The following ZFYVE9 variants were observed in gnomAD, a reference collection of about 807,000 sequenced individuals.
ZFYVE9 encodes the protein zinc finger FYVE domain-containing protein 9.
In ZFYVE9, 43 loss-of-function variants were observed where a neutral mutation model predicts 126.7. That is an observed-to-expected ratio of 0.34 (90% CI 0.27 to 0.44). The LOEUF (loss-of-function observed/expected upper bound fraction) is 0.44. Among genes scored for constraint, ZFYVE9 ranks in the 20% least tolerant of loss-of-function variants. The probability of loss-of-function intolerance (pLI) is 1.00; values close to 1 mark genes in which losing one functional copy is unlikely to be tolerated. For missense variants in ZFYVE9, 1,476 were observed against 1,697.0 expected (o/e 0.87, Z 2.29); for synonymous variants, 521 against 597.4 (o/e 0.87, Z 1.87).
At chr1:52,190,230 A>C (rs917884999) in intron 1 of ZFYVE9, 1 of 152,442 alleles carries the variant, frequency 6.6e-6, no homozygotes, top group Non-Finnish European at 1.5e-5. Context: ...GGGTTCCTTC[A>C]TAATACCTGT....
chr1:52,323,965 A>C (rs1327054890), intron 13 of ZFYVE9, among the ~76,000 whole-genome samples: 1 of 151,332 alleles, frequency 6.6e-6, no homozygotes, highest in Non-Finnish European at 1.5e-5. Context: ...AGGCTGAGAC[A>C]GGAGAATTGC....
At chr1:52,226,758 A>G (rs1018186702) in intron 2 of ZFYVE9, among the ~76,000 whole-genome samples, 7 of 152,208 alleles carry the variant, frequency 4.6e-5, no homozygotes, top group Non-Finnish European at 1.5e-5. Flanking sequence ...TCTGTCCGGA[A>G]AGGCGGGACA....
At chr1:52,340,012 TCAG>T in intron 16 of ZFYVE9, 111 bp from the exon 17 acceptor site, 5 of 786,328 alleles carry the variant, frequency 6.4e-6, no homozygotes. Context: ...ACAGGTGTGT[TCAG>T]CAGGGTACCC....
intron 1 of ZFYVE9, among the ~76,000 whole-genome samples, chr1:52,196,721 A>G (rs1480657882): frequency 6.6e-6 from 1 of 152,228 alleles, no homozygotes; most frequent in Non-Finnish European, 1.5e-5. Flanking sequence ...ATTTAATAGG[A>G]GAAATTTTTT....
At position 52,332,822 on chromosome 1, in the gene ZFYVE9, T is replaced by C. The variant is rs1360943751; in HGVS notation, c.3493T>C (p.Phe1165Leu). 2.5e-6 allele frequency: 4 copies of C among 1,614,044 alleles called. No individual in the cohort carries two copies. The Admixed American group carries it at 5.0e-5, about 20-fold the overall frequency. Residue 1165 changes from phenylalanine to leucine, a missense_variant, in exon 14 of 19, where the codon TTC becomes CTC. Phe to Leu is a conservative substitution (Grantham distance 22). Transcript: ENST00000287727. The part of the protein sequence containing the change: ...NEHVLAGGAC[F>L]NEKADSHLVC... The stretch of plus-strand genomic sequence containing the variant: ...GCATGTCCTGGCAGGAGGTGCCTGC[T>C]TCAATGAAAAGGCAGACTCTCATCT...
intron 13 of ZFYVE9, among the ~76,000 whole-genome samples, chr1:52,305,295 G>C (rs1646071922): frequency 6.6e-6 from 1 of 152,030 alleles, no homozygotes; most frequent in African/African-American, 2.4e-5. Context: ...ACAAACATTG[G>C]CTGGGTGCCT....
At chr1:52,226,169 TATCTG>T (rs1026479085) in intron 2 of ZFYVE9, among the ~76,000 whole-genome samples, 1 of 152,136 alleles carries the variant, frequency 6.6e-6, no homozygotes, top group African/African-American at 2.4e-5. Flanking sequence ...GGTGCCATCT[TATCTG>T]CTCCTTACTG....
At chr1:52,296,802 C>G (rs770664587) in intron 12 of ZFYVE9, among the ~76,000 whole-genome samples, 1 of 151,868 alleles carries the variant, frequency 6.6e-6, no homozygotes, top group Non-Finnish European at 1.5e-5. Flanking sequence ...AGTAGCAAAG[C>G]TCATTTTTTT....
intron 1 of ZFYVE9, among the ~76,000 whole-genome samples, chr1:52,173,236 T>G (rs1644590466): frequency 1.3e-5 from 2 of 152,176 alleles, no homozygotes; most frequent in South Asian, 4.1e-4. Context: ...TGTCAAAGGC[T>G]TTTTCTGCAT....
At chr1:52,245,284 G>A (rs1645373581) in intron 4 of ZFYVE9, among the ~76,000 whole-genome samples, 1 of 151,930 alleles carries the variant, frequency 6.6e-6, no homozygotes, top group Non-Finnish European at 1.5e-5. Flanking sequence ...GAAAAGAATG[G>A]GCCTCCTGGT....
chr1:52,297,422 A>T (rs1645988038), intron 12 of ZFYVE9, among the ~76,000 whole-genome samples: 1 of 151,894 alleles, frequency 6.6e-6, no homozygotes. Flanking sequence ...TATTTTTCAT[A>T]GAGACAGGGT....
chr1:52,280,906 ATTAC>A (rs1463601854), intron 9 of ZFYVE9, among the ~76,000 whole-genome samples: 1 of 152,044 alleles, frequency 6.6e-6, no homozygotes, highest in Non-Finnish European at 1.5e-5. Flanking sequence ...TTTTGTTGTA[ATTAC>A]TTCTAGCCTT....
At chr1:52,311,876 C>G (rs116593979) in intron 13 of ZFYVE9, among the ~76,000 whole-genome samples, 3 of 151,872 alleles carry the variant, frequency 2.0e-5, no homozygotes, top group Non-Finnish European at 4.4e-5. Context: ...GTGCAACTTT[C>G]GCTTCCTGGA....
chr1:52,205,380 T>G (rs746991668), intron 1 of ZFYVE9, among the ~76,000 whole-genome samples: 11 of 150,672 alleles, frequency 7.3e-5, no homozygotes, highest in Non-Finnish European at 1.6e-4. Flanking sequence ...CAGCTTTTTG[T>G]TTTTTTTTAA....
chr1:52,168,179 A>G (rs1644530072), intron 1 of ZFYVE9, among the ~76,000 whole-genome samples: 1 of 149,794 alleles, frequency 6.7e-6, no homozygotes, highest in Non-Finnish European at 1.5e-5. Flanking sequence ...TGTGTTACAG[A>G]TTAGATTCCT....
intron 1 of ZFYVE9, among the ~76,000 whole-genome samples, chr1:52,211,362 G>A (rs1645027104): frequency 6.6e-6 from 1 of 152,158 alleles, no homozygotes; most frequent in Admixed American, 6.5e-5. Context: ...AAAAAATCAT[G>A]TGGGATGGGA....
intron 4 of ZFYVE9, among the ~76,000 whole-genome samples, chr1:52,247,592 G>A (rs757373579): frequency 4.9e-4 from 74 of 152,174 alleles, no homozygotes; most frequent in Admixed American, 1.1e-3. Context: ...TGCCTCCTGG[G>A]TTCAAGTGAT....
rs1463266577 is a variant in ZFYVE9 at position 52,290,420 on chromosome 1, T to TA, written c.3026-3032dup. On this transcript the variant is annotated intron_variant, in intron 10 of 18. Transcript: ENST00000287727. ...TATTCAAACCACAGCATGCTGTTGA[T>TA]AGAGTTACAGGAATGCTGTCATGCA... Among the ~76,000 whole-genome samples, 5 of 152,322 alleles carry TA rather than the reference T, an allele frequency of 3.3e-5. No homozygotes were observed. The East Asian group carries it at 9.6e-4, about 29-fold the overall frequency.
chr1:52,224,543 C>A (rs1645152536), intron 2 of ZFYVE9, among the ~76,000 whole-genome samples: 1 of 152,146 alleles, frequency 6.6e-6, no homozygotes, highest in Non-Finnish European at 1.5e-5. Context: ...GGACTTTTAT[C>A]ATTGACTTAC....
Sources: gnomAD v4.1 joint callset for allele counts (sites outside exome capture counted in the v4.1 genomes callset) on GRCh38, gnomAD v4.1.1 for gene constraint, MANE v1.5 for transcripts, NCBI Gene and HGNC (gene_info 2026-07-23, HGNC 2026-07-21) for gene names.